Variants in EGFL7 observed in about 807,000 individuals in gnomAD.
The protein encoded by EGFL7 is EGF like domain multiple 7, also known as epidermal growth factor-like protein 7.
EGFL7 carries 48 observed loss-of-function variants against 37.1 expected under a neutral mutation model. The ratio of observed to expected loss-of-function variants is 1.29; its 90% CI spans 1.03 to 1.65. EGFL7 has a LOEUF of 1.65. Ranked by LOEUF, EGFL7 falls within the 40% of genes most tolerant of loss-of-function variation. EGFL7 has a pLI of 0.00. For synonymous variants in EGFL7, 180 were observed against 156.8 expected (o/e 1.15, Z -1.10); for missense variants, 384 against 378.9 (o/e 1.01, Z -0.11).
intron 3 of EGFL7, among the ~76,000 whole-genome samples, chr9:136,665,011 G>A (rs945016188): frequency 1.3e-5 from 2 of 152,232 alleles, no homozygotes; most frequent in Non-Finnish European, 2.9e-5. Flanking sequence ...TTATAAATTT[G>A]GAAATGGAGG....
chr9:136,668,331 G>A lies in EGFL7; in HGVS notation c.49G>A (p.Val17Met). ...GCTGATGTGGCTTCTGGTGTTGGCA[G>A]TGGGCGGCACAGAGCACGCCTACCG... ...VLLMWLLVLAVGGTEHAYRPG... is the reference protein window; with the variant it reads ...VLLMWLLVLAMGGTEHAYRPG... Residue 17 changes from valine to methionine, a missense_variant, in exon 4 of 11, where the codon GTG becomes ATG. By Grantham distance (21) the Val-to-Met change is conservative (BLOSUM62 1). Transcript: ENST00000308874. 2 of 1,607,746 alleles carry A rather than the reference G, an allele frequency of 1.2e-6. No homozygotes were observed. The highest frequency in any genetic ancestry group is 2.2e-5 in the East Asian group (1 of 44,786).
At position 136,668,609 on chromosome 9, in the gene EGFL7, G is replaced by A. The variant is rs771912424; in HGVS notation, c.133G>A (p.Val45Met). 1.5e-4 allele frequency: 238 copies of A among 1,607,982 alleles called. No individual in the cohort carries two copies. Among genetic ancestry groups the A allele is most frequent in the Admixed American group, 4.2e-4 (25 of 59,994 alleles). ...CGGGGACCCTGTCTCCGAGTCGTTCGTGCAGCGTGTGTACCAGCCCTTCCT... is the reference window on the plus strand; with the variant it reads ...CGGGGACCCTGTCTCCGAGTCGTTCATGCAGCGTGTGTACCAGCCCTTCCT... Reference protein sequence around the residue: ...AHGDPVSESFVQRVYQPFLTT... With the variant: ...AHGDPVSESFMQRVYQPFLTT... The change falls in exon 5 of 11, where the codon GTG (valine) becomes ATG (methionine). Residue 45 changes from valine (V) to methionine (M), a missense_variant. Transcript: ENST00000308874.
chr9:136,661,385 G>A (rs1455406626), upstream of EGFL7, among the ~76,000 whole-genome samples: 2 of 152,162 alleles, frequency 1.3e-5, no homozygotes, highest in East Asian at 3.9e-4. Flanking sequence ...GCGGCTGAGG[G>A]TGCAGCCAGT....
chr9:136,664,239 C>G (rs1297695324), intron 2 of EGFL7, among the ~76,000 whole-genome samples: 1 of 152,198 alleles, frequency 6.6e-6, no homozygotes, highest in African/African-American at 2.4e-5. Flanking sequence ...TGGTCCAGAG[C>G]AGTGGCCACT....
At chr9:136,671,841 G>A (rs1433640700) in intron 9 of EGFL7, 85 bp from the exon 10 acceptor site, 5 of 1,409,792 alleles carry the variant, frequency 3.5e-6, no homozygotes, top group South Asian at 3.0e-5. Context: ...GGCTTGTGGA[G>A]CCCTTCCCAG....
intron 2 of EGFL7, among the ~76,000 whole-genome samples, chr9:136,664,085 A>T (rs1845310374): frequency 6.6e-6 from 1 of 151,956 alleles, no homozygotes; most frequent in African/African-American, 2.4e-5. Flanking sequence ...TGAACACTTC[A>T]CTGCTGGGGG....
At chr9:136,668,706 C>G (rs750663449) in intron 5 of EGFL7, 33 bp downstream of exon 5, 6 of 1,555,786 alleles carry the variant, frequency 3.9e-6, no homozygotes, top group Non-Finnish European at 4.4e-6. Flanking sequence ...CTCACCCAGC[C>G]CCAGCCTCCC....
intron 3 of EGFL7, chr9:136,665,745 G>A (rs1368980370): frequency 6.9e-6 from 1 of 145,730 alleles, no homozygotes; most frequent in Non-Finnish European, 1.5e-5. Context: ...GCGGGGCGGG[G>A]CGGGGCTCGG....
chr9:136,664,871 CTGG>C, intron 3 of EGFL7, 86 bp downstream of exon 3: 1 of 152,340 alleles, frequency 6.6e-6, no homozygotes, highest in Admixed American at 6.5e-5. Flanking sequence ...CTGGCTCCGG[CTGG>C]GGTCTGAGGG....
At chr9:136,661,181 C>A (rs945001829), upstream of EGFL7, among the ~76,000 whole-genome samples, 1 of 152,114 alleles carries the variant, frequency 6.6e-6, no homozygotes, top group Non-Finnish European at 1.5e-5. Context: ...CAGCCAGGGG[C>A]GAGGGCAGAG....
chr9:136,669,754 G>C (rs1362963807), intron 6 of EGFL7, 33 bp downstream of exon 6: 2 of 1,511,522 alleles, frequency 1.3e-6, no homozygotes. Flanking sequence ...CCCGGTGTTA[G>C]GAGGGCGACT....
intron 3 of EGFL7, 93 bp from the exon 4 acceptor site, chr9:136,668,148 T>G: frequency 4.4e-6 from 3 of 688,806 alleles, no homozygotes; most frequent in Non-Finnish European, 4.8e-6. Context: ...CCAGCGGAGA[T>G]GAGCTGGGCA....
chr9:136,659,599 G>A (rs897729337), upstream of EGFL7: 4 of 152,534 alleles, frequency 2.6e-5, no homozygotes, highest in Non-Finnish European at 4.4e-5. Context: ...GCCCCTCCAC[G>A]CCTCTCTGCC....
chr9:136,661,149 G>A (rs929610975), upstream of EGFL7, among the ~76,000 whole-genome samples: 13 of 152,172 alleles, frequency 8.5e-5, no homozygotes, highest in Admixed American at 3.9e-4. Flanking sequence ...GGGCCTTCCC[G>A]GTGAACTGAC....
upstream of EGFL7, chr9:136,659,053 C>CA (rs1844985612): frequency 6.6e-6 from 1 of 152,230 alleles, no homozygotes; most frequent in African/African-American, 2.4e-5. Context: ...CACCCTTGAA[C>CA]AAGCGGCTTC....
rs1404659798 is a variant in EGFL7, at chr9:136,666,264, C to T, written c.-43+1479C>T. On this transcript the variant is annotated intron_variant, in intron 3 of 10. Transcript: ENST00000308874. The surrounding 1 kb of genome is among the most constrained non-coding windows in gnomAD (Gnocchi z 6.8). ...CCTCTGCGCCCTCCCTCGTGGGCCC[C>T]GCGGTCCCCAGCCCTGCTCCCGCCG... 6.6e-6 allele frequency among the ~76,000 whole-genome samples: 1 copy of T among 151,730 alleles called. No individual in the cohort carries two copies. The highest frequency in any genetic ancestry group is 2.4e-5 in the African/African-American group (1 of 41,498).
intron 10 of EGFL7, 74 bp from the exon 11 acceptor site, chr9:136,672,190 G>A (rs910624253): frequency 8.1e-6 from 13 of 1,610,476 alleles, no homozygotes; most frequent in African/African-American, 4.0e-5. Flanking sequence ...AAGGCCAAGG[G>A]GCCAGTCAGA....
At chr9:136,667,157 T>C (rs1460748102) in intron 3 of EGFL7, among the ~76,000 whole-genome samples, 1 of 152,126 alleles carries the variant, frequency 6.6e-6, no homozygotes, top group African/African-American at 2.4e-5. Context: ...TGTGACTATT[T>C]ATAGGACTGG....
chr9:136,670,567 C>T, intron 8 of EGFL7: 2 of 785,434 alleles, frequency 2.5e-6, no homozygotes, highest in Non-Finnish European at 4.7e-6. Context: ...GTCCTGTCTG[C>T]ATCCAGCGCA....
Sources: allele counts gnomAD v4.1 joint callset (sites outside exome capture counted in the v4.1 genomes callset), GRCh38; gene constraint gnomAD v4.1.1; non-coding constraint Gnocchi (gnomAD v3.1); transcripts MANE v1.5; gene names NCBI Gene and HGNC (gene_info 2026-07-23, HGNC 2026-07-21).